The following SPAG16 variants were observed in gnomAD, a reference collection of about 807,000 sequenced individuals.
SPAG16 encodes sperm associated antigen 16, also known as sperm-associated antigen 16 protein.
Under a neutral mutation model 80.4 loss-of-function variants are expected in SPAG16, and 86 were observed. That is an observed-to-expected ratio of 1.07 (90% CI 0.90 to 1.28). The LOEUF (loss-of-function observed/expected upper bound fraction) is 1.28. Among genes scored for constraint, SPAG16 ranks in the 50% most tolerant of loss-of-function variants. SPAG16 has a pLI of 0.00. For missense variants in SPAG16, 870 were observed against 765.3 expected, an observed-to-expected ratio of 1.14 and a Z score of -1.61; for synonymous variants, 294 against 265.9, an observed-to-expected ratio of 1.11 and a Z score of -1.03.
intron 15 of SPAG16, among the ~76,000 whole-genome samples, chr2:214,218,240 A>C (rs2058482028): frequency 6.6e-6 from 1 of 152,178 alleles, no homozygotes. Flanking sequence ...CTGGTTTCAC[A>C]TAGATCTGGG....
intron 10 of SPAG16, among the ~76,000 whole-genome samples, chr2:213,598,074 T>C (rs772123956): frequency 6.6e-6 from 1 of 152,190 alleles, no homozygotes; most frequent in Non-Finnish European, 1.5e-5. Context: ...CCATAACCTG[T>C]CTTACCATCA....
chr2:214,360,717 G>A lies in SPAG16; in HGVS notation c.1721-49423G>A, dbSNP rs147493201. On this transcript the variant is annotated intron_variant, in intron 15 of 15. Transcript: ENST00000331683. ...GCAGGGAAGTTTAAACTTTCCCTCT[G>A]AAGGTTCTATAATTGAATCTGCTGA... Among the ~76,000 whole-genome samples, 14 of 151,904 alleles carry A rather than the reference G, an allele frequency of 9.2e-5. No individual in the cohort carries two copies. The East Asian group carries it at 2.7e-3, about 29-fold the overall frequency.
At chr2:213,779,345 G>A (rs962303975) in intron 10 of SPAG16, among the ~76,000 whole-genome samples, 1 of 152,072 alleles carries the variant, frequency 6.6e-6, no homozygotes, top group Non-Finnish European at 1.5e-5. Context: ...TATGGCTTAA[G>A]CTGCAAATTA....
chr2:214,407,775 C>T (rs999251034), intron 15 of SPAG16, among the ~76,000 whole-genome samples: 1 of 152,084 alleles, frequency 6.6e-6, no homozygotes. Flanking sequence ...GCAATTGACA[C>T]ACCCTGGTAA....
At chr2:213,638,534 T>G (rs1449969650) in intron 10 of SPAG16, among the ~76,000 whole-genome samples, 3 of 152,166 alleles carry the variant, frequency 2.0e-5, no homozygotes, top group Admixed American at 1.3e-4. Flanking sequence ...TATTTAATTT[T>G]TATGTATTTT....
rs1202890506 is a variant in SPAG16 at position 214,267,460 on chromosome 2, T to C, written c.1720+118194T>C. On this transcript the variant is annotated intron_variant, in intron 15 of 15. Transcript: ENST00000331683. ...ATATTCATATACAGAAGAATAAAAA[T>C]AGGCTCTTATTTCAAACCTTGTATA... Among the ~76,000 whole-genome samples the C allele has an allele frequency of 2.6e-5, 4 of 151,768 alleles. No homozygotes were observed. The East Asian group carries it at 7.7e-4, about 29-fold the overall frequency.
Position 213,598,806 on chromosome 2 carries a change from AT to A in SPAG16, c.1070+108720del, listed in dbSNP as rs1278662444. 4.6e-5 allele frequency among the ~76,000 whole-genome samples: 7 copies of A among 152,292 alleles called. No homozygotes were observed. The East Asian group carries it at 9.6e-4, about 21-fold the overall frequency. On this transcript the variant is annotated intron_variant, in intron 10 of 15. Coordinates refer to ENST00000331683, the MANE Select transcript of SPAG16 (RefSeq NM_024532.5). ...TCCAGGCAGCAGTTTCACATGACAT[AT>A]TTTGGTAATGGGTCCTAGAGATGAA...
chr2:214,366,430 A>T (rs781578406), intron 15 of SPAG16, among the ~76,000 whole-genome samples: 3 of 152,190 alleles, frequency 2.0e-5, no homozygotes, highest in African/African-American at 7.2e-5. Context: ...CATTACTCAG[A>T]CTAGAAATAT....
chr2:214,318,462 A>C (rs1576766510), intron 15 of SPAG16, among the ~76,000 whole-genome samples: 1 of 142,408 alleles, frequency 7.0e-6, no homozygotes, highest in Admixed American at 7.5e-5. Context: ...GCTCGCTGCA[A>C]CCTCCGCCTC....
chr2:213,963,904 A>T (rs908427417), intron 12 of SPAG16, among the ~76,000 whole-genome samples: 1 of 152,018 alleles, frequency 6.6e-6, no homozygotes, highest in Non-Finnish European at 1.5e-5. Context: ...TTTTCAATCT[A>T]TTTGTATCTT....
intron 11 of SPAG16, among the ~76,000 whole-genome samples, chr2:213,883,356 T>C (rs1024557378): frequency 6.6e-6 from 1 of 152,244 alleles, no homozygotes; most frequent in African/African-American, 2.4e-5. Flanking sequence ...TTTATTGCTC[T>C]GTTGTCTGAG....
intron 14 of SPAG16, among the ~76,000 whole-genome samples, chr2:214,142,555 T>C: frequency 6.6e-6 from 1 of 152,160 alleles, no homozygotes; most frequent in Admixed American, 6.5e-5. Context: ...GTATTGTAAC[T>C]ATCTCCTTTG....
At chr2:213,424,935 A>G (rs1402820414) in intron 9 of SPAG16, among the ~76,000 whole-genome samples, 1 of 152,172 alleles carries the variant, frequency 6.6e-6, no homozygotes, top group East Asian at 1.9e-4. Flanking sequence ...AGAGCCTTTG[A>G]AAAGAAGCAA....
intron 6 of SPAG16, among the ~76,000 whole-genome samples, chr2:213,349,696 A>G (rs1365076546): frequency 6.6e-6 from 1 of 152,212 alleles, no homozygotes; most frequent in Non-Finnish European, 1.5e-5. Flanking sequence ...ATACATACAT[A>G]CAAGGGAATA....
At chr2:213,673,989 TA>T (rs2063927595) in intron 10 of SPAG16, among the ~76,000 whole-genome samples, 1 of 152,118 alleles carries the variant, frequency 6.6e-6, no homozygotes, top group Non-Finnish European at 1.5e-5. Flanking sequence ...AATAAAGTTA[TA>T]TTTTTAAATT....
At chr2:214,224,766 A>G (rs1037526940) in intron 15 of SPAG16, among the ~76,000 whole-genome samples, 1 of 152,202 alleles carries the variant, frequency 6.6e-6, no homozygotes, top group Non-Finnish European at 1.5e-5. Flanking sequence ...ACATTCATTC[A>G]TTCAACAAAT....
intron 15 of SPAG16, among the ~76,000 whole-genome samples, chr2:214,296,211 G>A (rs576778263): frequency 6.6e-6 from 1 of 152,150 alleles, no homozygotes; most frequent in Non-Finnish European, 1.5e-5. Context: ...CTTTACTCAT[G>A]TAGCTACAGA....
rs564757663 is a variant in SPAG16 at position 214,018,268 on chromosome 2, AAAC to A, written c.1527+4194_1527+4196del. 3.0e-3 allele frequency among the ~76,000 whole-genome samples: 457 copies of A among 152,258 alleles called. 2 individuals carry two copies. Among genetic ancestry groups the A allele is most frequent in the African/African-American group, 0.01 (436 of 41,594 alleles). ...AGCTAATTTATTAAAAAACAAAACA[AAAC>A]AAAAAAACTTTAAATCACCCAGGTT... On this transcript the variant is annotated intron_variant, in intron 13 of 15. Transcript: ENST00000331683.
chr2:213,991,652 G>A (rs1347623410), intron 12 of SPAG16, among the ~76,000 whole-genome samples: 2 of 152,092 alleles, frequency 1.3e-5, no homozygotes, highest in African/African-American at 2.4e-5. Flanking sequence ...CATGAGTCAT[G>A]TACCTACTTA....
Sources: allele counts gnomAD v4.1 joint callset (sites outside exome capture counted in the v4.1 genomes callset), GRCh38; gene constraint gnomAD v4.1.1; transcripts MANE v1.5; gene names NCBI Gene and HGNC (gene_info 2026-07-23, HGNC 2026-07-21).